The following KLF13 variants were observed in gnomAD, a reference collection of about 807,000 sequenced individuals.
The protein encoded by KLF13 is Krueppel-like factor 13.
A neutral mutation model predicts 16.7 loss-of-function variants in KLF13; 8 were observed. The observed-to-expected ratio is 0.48, with a 90% CI of 0.28 to 0.87. The LOEUF (loss-of-function observed/expected upper bound fraction) is 0.87. KLF13 is among the 40% of genes least tolerant of loss of function. The probability of loss-of-function intolerance (pLI) is 0.10; values close to 1 mark genes in which losing one functional copy is unlikely to be tolerated. For missense variants in KLF13, 447 were observed against 452.2 expected (o/e 0.99, Z 0.10); for synonymous variants, 245 against 208.4 (o/e 1.18, Z -1.51).
In KLF13 at chr15:31,352,331, A is replaced by G. The variant is rs78284078; in HGVS notation, c.578-19679A>G. The stretch of plus-strand genomic sequence containing the variant: ...CTGCAGGCCACGCTCAGGGGTTTCT[A>G]CCTCCCTCAGTCCCAGTGTCTGCCC... On this transcript the variant is annotated intron_variant, in intron 1 of 1. Coordinates refer to ENST00000307145, the MANE Select transcript of KLF13 (RefSeq NM_015995.4). 8.4e-3 allele frequency among the ~76,000 whole-genome samples: 1,274 copies of G among 152,042 alleles called. 20 individuals are homozygous for G. The highest frequency in any genetic ancestry group is 0.029 in the African/African-American group (1,207 of 41,478).
At chr15:31,337,310 C>G (rs2038946200) in intron 1 of KLF13, among the ~76,000 whole-genome samples, 1 of 152,246 alleles carries the variant, frequency 6.6e-6, no homozygotes, top group Admixed American at 6.5e-5. Context: ...TTTTTGTCTT[C>G]TAGCACGGAT....
rs537067957 is a variant in KLF13, at chr15:31,383,771, G to A, written n.224-51599G>A. Among the ~76,000 whole-genome samples, 18 of 152,238 alleles carry A rather than the reference G, an allele frequency of 1.2e-4. No individual in the cohort carries two copies. In the East Asian group the frequency reaches 2.1e-3, roughly 18 times the overall value. ...AAAAAAATTAGCTGGGCGTGGTGGT[G>A]GGCGCCTGTAGTCCCAGCTACTCGG... On this transcript the variant is annotated intron_variant and non_coding_transcript_variant, in intron 1 of 1. Coordinates refer to the KLF13 transcript ENST00000558921.
At chr15:31,421,726 G>C (rs943688552) in intron 1 of KLF13, among the ~76,000 whole-genome samples, 1 of 151,964 alleles carries the variant, frequency 6.6e-6, no homozygotes, top group Non-Finnish European at 1.5e-5. Context: ...AAAGGAAAAG[G>C]GACAAAATAA....
At position 31,401,085 on chromosome 15, in the gene KLF13, C is replaced by CTTG. The variant is rs1252294747; in HGVS notation, n.530-2343_530-2342insTTG. 9.2e-5 allele frequency among the ~76,000 whole-genome samples: 14 copies of CTTG among 152,024 alleles called. No individual in the cohort carries two copies. In the East Asian group the frequency reaches 2.3e-3, roughly 25 times the overall value. ...ATGGCACAATCTTGGCTCACTGCAA[C>CTTG]CTCTGCCTCCCGGGAGCAAGCTATT... On this transcript the variant is annotated intron_variant and non_coding_transcript_variant, in intron 2 of 2. Coordinates refer to the KLF13 transcript ENST00000500533.
At chr15:31,400,774 G>A (rs903215098) in intron 2 of KLF13, among the ~76,000 whole-genome samples, 18 of 152,288 alleles carry the variant, frequency 1.2e-4, no homozygotes, top group African/African-American at 4.1e-4. Flanking sequence ...GCAGATCCAA[G>A]AGAGAAGGGA....
chr15:31,369,063 T>C (rs1014831331), intron 1 of KLF13, among the ~76,000 whole-genome samples: 1 of 152,256 alleles, frequency 6.6e-6, no homozygotes, highest in African/African-American at 2.4e-5. Flanking sequence ...AGGATTTACC[T>C]GACTCCTATC....
intron 1 of KLF13, among the ~76,000 whole-genome samples, chr15:31,359,300 A>G (rs1271725599): frequency 2.0e-5 from 3 of 152,192 alleles, no homozygotes; most frequent in Non-Finnish European, 4.4e-5. Flanking sequence ...CTGTTTTTAA[A>G]AGGGACCTTG....
chr15:31,353,328 G>C (rs1475830952), intron 1 of KLF13, among the ~76,000 whole-genome samples: 1 of 152,196 alleles, frequency 6.6e-6, no homozygotes, highest in Non-Finnish European at 1.5e-5. Context: ...CCTGTCCCAG[G>C]CGTTCTGTAA....
rs2038852386 is a variant in KLF13, at chr15:31,332,595, TG to T, written c.577+4810del. On this transcript the variant is annotated intron_variant, in intron 1 of 1. Transcript: ENST00000307145. Reference sequence around the variant, plus strand: ...GTTCATTAAACCAGTAGCCTGTGTCTGGGGCTTCACATGTCTGGAACACAGC... The same window carrying T: ...GTTCATTAAACCAGTAGCCTGTGTCTGGGCTTCACATGTCTGGAACACAGC... Among the ~76,000 whole-genome samples, 3 of 152,362 alleles carry T rather than the reference TG, an allele frequency of 2.0e-5. No homozygotes were observed. The South Asian group carries it at 6.2e-4, about 32-fold the overall frequency.
At chr15:31,424,138 C>A (rs2040375589) in intron 1 of KLF13, among the ~76,000 whole-genome samples, 1 of 151,928 alleles carries the variant, frequency 6.6e-6, no homozygotes, top group Non-Finnish European at 1.5e-5. Context: ...GGTGGCTTCA[C>A]TGGAGAATTC....
chr15:31,345,318 C>T (rs1313326936), intron 1 of KLF13, among the ~76,000 whole-genome samples: 4 of 152,164 alleles, frequency 2.6e-5, no homozygotes, highest in Admixed American at 2.6e-4. Context: ...CCCTTGAGGG[C>T]GTGGTGTCTG....
In KLF13 at chr15:31,327,422, C is replaced by G; in HGVS notation, c.210C>G (p.Asp70Glu). 1 of 1,269,482 alleles carries G rather than the reference C, an allele frequency of 7.9e-7. No individual in the cohort carries two copies. The highest frequency in any genetic ancestry group is 2.4e-5 in the South Asian group (1 of 42,498). The allele number at this position is 1,269,482 out of a possible 1,614,324, so 78.6% of individuals were successfully genotyped here. A position where few individuals can be genotyped will look rare whatever the true frequency, so the allele number is the denominator to read the frequency against. The change falls in exon 1 of 2, where the codon GAC becomes GAG. Residue 70 changes from aspartate to glutamate, a missense_variant. Asp to Glu is a conservative substitution (Grantham distance 45). Transcript: ENST00000307145. ...SLFVVARILADLNQQAPAPAP... is the reference protein window; with the variant it reads ...SLFVVARILAELNQQAPAPAP... ...TCGTGGTGGCGCGGATCCTAGCGGA[C>G]CTCAACCAGCAAGCGCCGGCGCCCG...
intron 1 of KLF13, among the ~76,000 whole-genome samples, chr15:31,385,941 G>A (rs2039791261): frequency 6.6e-6 from 1 of 152,204 alleles, no homozygotes; most frequent in Non-Finnish European, 1.5e-5. Context: ...GAATGCAAAG[G>A]AAATGTTCTC....
intron 1 of KLF13, among the ~76,000 whole-genome samples, chr15:31,430,684 C>A (rs1426797140): frequency 6.6e-6 from 1 of 152,148 alleles, no homozygotes; most frequent in Non-Finnish European, 1.5e-5. Context: ...CTAGGGGACA[C>A]ATTCAAAGGT....
chr15:31,406,076 AGG>A (rs2040125319), downstream of KLF13, among the ~76,000 whole-genome samples: 1 of 152,206 alleles, frequency 6.6e-6, no homozygotes, highest in Admixed American at 6.5e-5. Flanking sequence ...AATCAGGAGG[AGG>A]ATAGGAAAGT....
chr15:31,344,580 G>A (rs1002657258), intron 1 of KLF13, among the ~76,000 whole-genome samples: 7 of 152,252 alleles, frequency 4.6e-5, no homozygotes, highest in Non-Finnish European at 8.8e-5. Context: ...GCTGGGCCAG[G>A]CCAGGGGCCC....
chr15:31,400,471 C>T (rs937235576), intron 2 of KLF13, among the ~76,000 whole-genome samples: 1 of 152,016 alleles, frequency 6.6e-6, no homozygotes. Context: ...AGTCAGCCAG[C>T]CTTACGAAGT....
chr15:31,332,029 T>C (rs555092339), intron 1 of KLF13, among the ~76,000 whole-genome samples: 39 of 152,336 alleles, frequency 2.6e-4, no homozygotes, highest in African/African-American at 9.1e-4. Flanking sequence ...CCTTCACTTA[T>C]GGAAAGGACA....
At chr15:31,365,415 C>G (rs1371907807) in intron 1 of KLF13, among the ~76,000 whole-genome samples, 1 of 152,164 alleles carries the variant, frequency 6.6e-6, no homozygotes, top group African/African-American at 2.4e-5. Context: ...TGAAGGGGAG[C>G]TCAGCGAGGC....
Sources: allele counts gnomAD v4.1 joint callset (sites outside exome capture counted in the v4.1 genomes callset), GRCh38; gene constraint gnomAD v4.1.1; transcripts MANE v1.5; gene names NCBI Gene and HGNC (gene_info 2026-07-23, HGNC 2026-07-21).